Variants in SLC4A8 observed in about 807,000 individuals in gnomAD.
SLC4A8 encodes the protein solute carrier family 4 member 8, also known as electroneutral sodium bicarbonate exchanger 1.
A neutral mutation model predicts 125.0 loss-of-function variants in SLC4A8; 40 were observed. That is an observed-to-expected ratio of 0.32 (90% confidence interval 0.25 to 0.42). The LOEUF is 0.42. SLC4A8 is among the 10% of genes least tolerant of loss of function. SLC4A8 has a pLI of 1.00. For missense variants in SLC4A8, 863 were observed against 1,355.1 expected (o/e 0.64, Z 5.70); for synonymous variants, 456 against 476.0 (o/e 0.96, Z 0.55).
chr12:51,406,246 A>G (rs971197941), intron 1 of SLC4A8, among the ~76,000 whole-genome samples: 2 of 152,240 alleles, frequency 1.3e-5, no homozygotes, highest in African/African-American at 4.8e-5. Flanking sequence ...CCAACTGCAA[A>G]TAAAATTATC....
At chr12:51,441,289 A>G in intron 2 of SLC4A8, 1 of 734,796 alleles carries the variant, frequency 1.4e-6, no homozygotes. Flanking sequence ...GAAAACAGGA[A>G]CACACCTGTG....
chr12:51,505,808 A>G (rs1038361430), intron 23 of SLC4A8, 27 bp from the exon 24 acceptor site: 16 of 1,014,012 alleles, frequency 1.6e-5, no homozygotes, highest in South Asian at 4.0e-5. Context: ...TATGTCTGAC[A>G]TTCACTGTCC....
intron 12 of SLC4A8, among the ~76,000 whole-genome samples, chr12:51,470,093 A>G (rs1228069176): frequency 6.6e-6 from 1 of 152,150 alleles, no homozygotes; most frequent in African/African-American, 2.4e-5. Flanking sequence ...TCTGTATGTG[A>G]GCTTGTAGTG....
exon 1 of SLC4A8, chr12:51,391,451 G>GGAGGAA (rs1948101128): frequency 1.3e-5 from 2 of 156,174 alleles, no homozygotes; most frequent in South Asian, 2.0e-4. Flanking sequence ...GGGGTAGTGA[G>GGAGGAA]GAGGAAGAGG....
intron 2 of SLC4A8, among the ~76,000 whole-genome samples, chr12:51,445,192 G>A (rs1313185569): frequency 3.3e-5 from 5 of 152,110 alleles, no homozygotes; most frequent in Non-Finnish European, 5.9e-5. Flanking sequence ...TTTGTTTTGA[G>A]GCAGGGTCTC....
intron 1 of SLC4A8, among the ~76,000 whole-genome samples, chr12:51,439,188 C>G (rs992047469): frequency 3.3e-5 from 5 of 152,154 alleles, no homozygotes; most frequent in African/African-American, 1.2e-4. Flanking sequence ...TCCTGAGTAG[C>G]TGGCACTACA....
At chr12:51,462,908 A>AAG (rs1950381172) in intron 10 of SLC4A8, 1 of 152,746 alleles carries the variant, frequency 6.5e-6, no homozygotes, top group African/African-American at 2.4e-5. Flanking sequence ...AAAAAAAAAA[A>AAG]AGAATTTGCA....
chr12:51,460,359 AC>A (rs1419341568), intron 8 of SLC4A8, among the ~76,000 whole-genome samples: 1 of 150,340 alleles, frequency 6.7e-6, no homozygotes, highest in East Asian at 2.0e-4. Flanking sequence ...GCACCATGGC[AC>A]CCCAGTGTGG....
chr12:51,497,207 T>C, intron 22 of SLC4A8, 83 bp downstream of exon 22: 1 of 1,406,828 alleles, frequency 7.1e-7, no homozygotes, highest in South Asian at 1.4e-5. Context: ...TCAGCATGTC[T>C]GGAATCCCGA....
intron 8 of SLC4A8, 113 bp downstream of exon 8, chr12:51,460,221 G>A: frequency 1.1e-6 from 1 of 945,718 alleles, no homozygotes; most frequent in Non-Finnish European, 1.7e-6. Flanking sequence ...TAGGAATGGT[G>A]TTTACAATTC....
chr12:51,397,033 G>A (rs866477465), intron 1 of SLC4A8, among the ~76,000 whole-genome samples: 1 of 145,486 alleles, frequency 6.9e-6, no homozygotes, highest in Non-Finnish European at 1.5e-5. Context: ...AGGTTCAAGC[G>A]ATTCTCGTGC....
chr12:51,396,234 C>T (rs1240593155), intron 1 of SLC4A8, among the ~76,000 whole-genome samples: 1 of 152,152 alleles, frequency 6.6e-6, no homozygotes, highest in Non-Finnish European at 1.5e-5. Context: ...TCCATTCCTC[C>T]CTTCAATAAA....
intron 16 of SLC4A8, among the ~76,000 whole-genome samples, chr12:51,478,519 A>G (rs772413333): frequency 1.8e-4 from 28 of 152,248 alleles, no homozygotes; most frequent in Non-Finnish European, 3.4e-4. Context: ...TTATTTCAGT[A>G]TTTTAGTTGC....
chr12:51,491,177 A>G (rs1413966558), intron 19 of SLC4A8, among the ~76,000 whole-genome samples: 1 of 152,072 alleles, frequency 6.6e-6, no homozygotes, highest in Non-Finnish European at 1.5e-5. Context: ...TTGGAGTGAG[A>G]TGTCTGGGAG....
At chr12:51,414,734 C>G (rs1242833238) in intron 1 of SLC4A8, among the ~76,000 whole-genome samples, 1 of 152,162 alleles carries the variant, frequency 6.6e-6, no homozygotes, top group East Asian at 1.9e-4. Context: ...ACATCCTTGT[C>G]TTATTCTAGT....
chr12:51,443,206 TGACCTCCTGG>T (rs993119516), intron 2 of SLC4A8, among the ~76,000 whole-genome samples: 14 of 152,280 alleles, frequency 9.2e-5, no homozygotes, highest in Admixed American at 4.6e-4. Flanking sequence ...ACTGTAGCCT[TGACCTCCTGG>T]GCTCAAGTGA....
intron 22 of SLC4A8, among the ~76,000 whole-genome samples, chr12:51,499,624 T>TACACACACACACACACACAC (rs143239328): frequency 4.2e-5 from 6 of 143,344 alleles, no homozygotes; most frequent in Non-Finnish European, 6.1e-5. Context: ...GCTATAATTC[T>TACACACACACACACACACAC]ACACACACAC....
chr12:51,450,695 C>G (rs569919398), intron 2 of SLC4A8, 181 bp from the exon 3 acceptor site: 3 of 628,124 alleles, frequency 4.8e-6, no homozygotes, highest in African/African-American at 3.8e-5. Flanking sequence ...AAGGAAGAGA[C>G]CTTCAACTCC....
chr12:51,469,844 G>A (rs1371680616), intron 12 of SLC4A8, 56 bp downstream of exon 12: 9 of 1,549,126 alleles, frequency 5.8e-6, no homozygotes, highest in African/African-American at 1.4e-5. Flanking sequence ...ATATTGTGGC[G>A]GCAGCCAGGT....
Sources: allele counts gnomAD v4.1 joint callset (sites outside exome capture counted in the v4.1 genomes callset), GRCh38; gene constraint gnomAD v4.1.1; transcripts MANE v1.5; gene names NCBI Gene and HGNC (gene_info 2026-07-23, HGNC 2026-07-21).